The following EPHB1 variants were observed in gnomAD, a reference collection of about 807,000 sequenced individuals.
EPHB1 encodes the protein ephrin type-B receptor 1.
In EPHB1, 30 loss-of-function variants were observed where a neutral mutation model predicts 94.4. The ratio of observed to expected loss-of-function variants is 0.32; its 90% confidence interval spans 0.24 to 0.43. EPHB1 has a LOEUF of 0.43. Among genes scored for constraint, EPHB1 ranks in the 20% least tolerant of loss-of-function variants. The pLI, the probability that EPHB1 is intolerant of heterozygous loss-of-function variation, is 1.00. For missense variants in EPHB1, 1,055 were observed against 1,308.3 expected (o/e 0.81, Z 2.99); for synonymous variants, 522 against 489.1 (o/e 1.07, Z -0.89).
intron 4 of EPHB1, among the ~76,000 whole-genome samples, chr3:135,111,526 G>T (rs535648802): frequency 6.6e-6 from 1 of 152,130 alleles, no homozygotes; most frequent in African/African-American, 2.4e-5. Flanking sequence ...CTGCAGGGAG[G>T]GGGGCTGTGA....
At chr3:135,172,872 G>C (rs937144488) in intron 9 of EPHB1, among the ~76,000 whole-genome samples, 2 of 152,162 alleles carry the variant, frequency 1.3e-5, no homozygotes, top group African/African-American at 4.8e-5. Context: ...TCAAGAAACC[G>C]TGTTAACTCT....
chr3:135,134,394 T>C (rs952096807), intron 5 of EPHB1, among the ~76,000 whole-genome samples: 8 of 152,200 alleles, frequency 5.3e-5, no homozygotes, highest in Non-Finnish European at 1.0e-4. Flanking sequence ...TGATGGCATA[T>C]GAATCTTGAG....
At position 135,148,883 on chromosome 3, in the gene EPHB1, T is replaced by C. The variant is rs183229885; in HGVS notation, c.1298-5269T>C. On this transcript the variant is annotated intron_variant, in intron 5 of 15. Coordinates refer to ENST00000398015, the MANE Select transcript of EPHB1 (RefSeq NM_004441.5). ...TAATTCTCTTTCTGCTTCTGACACA[T>C]TTACAAGGCCTTTTATTGTTGGCTA... Among the ~76,000 whole-genome samples, 164 of 152,334 alleles carry C rather than the reference T, an allele frequency of 1.1e-3. 3 individuals carry two copies. The Middle Eastern group carries it at 0.024, about 22-fold the overall frequency.
At chr3:134,972,141 C>T (rs1408024468) in intron 3 of EPHB1, among the ~76,000 whole-genome samples, 1 of 152,090 alleles carries the variant, frequency 6.6e-6, no homozygotes, top group African/African-American at 2.4e-5. Flanking sequence ...GGCCAGTCCT[C>T]ATGGCCACAC....
intron 1 of EPHB1, among the ~76,000 whole-genome samples, chr3:134,907,085 C>G (rs1233790100): frequency 6.6e-6 from 1 of 152,124 alleles, no homozygotes; most frequent in East Asian, 1.9e-4. Flanking sequence ...TTATTATGGG[C>G]CAGGTGCAGT....
intron 1 of EPHB1, 106 bp from the exon 2 acceptor site, chr3:134,925,710 A>T: frequency 1.1e-6 from 1 of 886,288 alleles, no homozygotes; most frequent in Non-Finnish European, 1.7e-6. Flanking sequence ...TCCTTGTAGT[A>T]CTGTCATTTA....
chr3:134,808,047 A>G (rs2036102846), intron 1 of EPHB1, among the ~76,000 whole-genome samples: 1 of 152,234 alleles, frequency 6.6e-6, no homozygotes, highest in Non-Finnish European at 1.5e-5. Flanking sequence ...GATGAAGTTC[A>G]TAGAGGTCAG....
intron 1 of EPHB1, among the ~76,000 whole-genome samples, chr3:134,869,844 G>A (rs1481789503): frequency 6.6e-6 from 1 of 151,898 alleles, no homozygotes; most frequent in Non-Finnish European, 1.5e-5. Flanking sequence ...ATGCTTTATT[G>A]GTTTATTAAT....
rs117215260 is a variant in EPHB1, at chr3:135,127,198, C to T, written c.962-5516C>T. 1.1e-3 allele frequency among the ~76,000 whole-genome samples: 175 copies of T among 152,306 alleles called. 1 individual carries two copies. In the East Asian group the frequency reaches 0.018, roughly 15 times the overall value. On this transcript the variant is annotated intron_variant, in intron 4 of 15. Coordinates refer to ENST00000398015, the MANE Select transcript of EPHB1 (RefSeq NM_004441.5). ...ACTTAGGAGGATCATCGGTTGGTTT[C>T]GGGGGACTAAGAACCCCCTCAGAGT...
chr3:134,905,632 A>G (rs2107691796), intron 1 of EPHB1, among the ~76,000 whole-genome samples: 1 of 152,358 alleles, frequency 6.6e-6, no homozygotes, highest in African/African-American at 2.4e-5. Flanking sequence ...TACAAGGGCC[A>G]GTCAGTGTGG....
At chr3:134,909,115 CG>C (rs1250648426) in intron 1 of EPHB1, among the ~76,000 whole-genome samples, 7 of 92,784 alleles carry the variant, frequency 7.5e-5, no homozygotes, top group African/African-American at 3.1e-4. Context: ...AAGGTGGGGG[CG>C]GGGGGCGGGC....
At chr3:135,073,927 T>C in intron 3 of EPHB1, among the ~76,000 whole-genome samples, 1 of 152,218 alleles carries the variant, frequency 6.6e-6, no homozygotes, top group East Asian at 1.9e-4. Context: ...AAAAGTTTGA[T>C]AAGATTCAGG....
intron 2 of EPHB1, among the ~76,000 whole-genome samples, chr3:134,940,612 C>T (rs1420371468): frequency 6.6e-6 from 1 of 152,240 alleles, no homozygotes; most frequent in East Asian, 1.9e-4. Context: ...CTGGGATGCT[C>T]CTCCTTCGTG....
intron 3 of EPHB1, among the ~76,000 whole-genome samples, chr3:135,063,673 CT>C (rs1207085419): frequency 6.6e-6 from 1 of 152,078 alleles, no homozygotes; most frequent in Non-Finnish European, 1.5e-5. Flanking sequence ...TATTTGGATG[CT>C]TTTTATTTCT....
At chr3:134,942,645 A>T (rs1448889250) in intron 2 of EPHB1, among the ~76,000 whole-genome samples, 1 of 152,142 alleles carries the variant, frequency 6.6e-6, no homozygotes. Context: ...GGTATTGGGG[A>T]GAGGTCAAGT....
chr3:135,218,503 A>G (rs1232372976), intron 12 of EPHB1, among the ~76,000 whole-genome samples: 1 of 152,196 alleles, frequency 6.6e-6, no homozygotes, highest in Non-Finnish European at 1.5e-5. Context: ...GTACCCAGGG[A>G]CTGGAACAAG....
chr3:134,801,614 G>A (rs58530194), intron 1 of EPHB1, among the ~76,000 whole-genome samples: 28,653 of 152,202 alleles, frequency 0.19, 5,179 homozygotes, highest in African/African-American at 0.47. Flanking sequence ...CAGAGCATTC[G>A]ATGTCTGCCC....
At chr3:134,985,448 A>G (rs552189463) in intron 3 of EPHB1, among the ~76,000 whole-genome samples, 2 of 152,288 alleles carry the variant, frequency 1.3e-5, no homozygotes, top group Non-Finnish European at 2.9e-5. Flanking sequence ...GTGAGCCACC[A>G]TGCCCGGCCG....
chr3:134,894,564 C>T (rs1323027875), intron 1 of EPHB1, among the ~76,000 whole-genome samples: 1 of 152,166 alleles, frequency 6.6e-6, no homozygotes, highest in African/African-American at 2.4e-5. Flanking sequence ...TTATAAAGCC[C>T]AGATTGTTGG....
Sources: gnomAD v4.1 joint callset for allele counts (sites outside exome capture counted in the v4.1 genomes callset) on GRCh38, gnomAD v4.1.1 for gene constraint, MANE v1.5 for transcripts, NCBI Gene and HGNC (gene_info 2026-07-23, HGNC 2026-07-21) for gene names.